PCDHGA5: variants seen among roughly 807,000 people sequenced by gnomAD.
PCDHGA5 encodes the protein protocadherin gamma subfamily A, 5.
In PCDHGA5, 36 loss-of-function variants were observed where a neutral mutation model predicts 56.7. That is an observed-to-expected ratio of 0.64 (90% CI 0.49 to 0.84). The LOEUF (loss-of-function observed/expected upper bound fraction) is 0.84, where lower values mean the gene tolerates loss of function less well. Ranked by LOEUF, PCDHGA5 falls within the 40% of genes least tolerant of loss-of-function variation. PCDHGA5 has a pLI of 0.00. For synonymous variants in PCDHGA5, 563 were observed against 520.2 expected (o/e 1.08, Z -1.12); for missense variants, 1,305 against 1,201.5 (o/e 1.09, Z -1.27).
chr5:141,422,907 G>C (rs1330364637), intron 1 of PCDHGA5: 4 of 1,614,078 alleles, frequency 2.5e-6, no homozygotes, highest in Non-Finnish European at 3.4e-6. Flanking sequence ...ACGACAATGC[G>C]CCCGAGATCC....
At chr5:141,428,175 G>A (rs766332920) in intron 1 of PCDHGA5, 20 of 1,508,456 alleles carry the variant, frequency 1.3e-5, no homozygotes, top group Non-Finnish European at 1.8e-5. Flanking sequence ...GTGCGTGACG[G>A]AGGACAGCCG....
intron 1 of PCDHGA5, chr5:141,423,314 T>C: frequency 6.2e-7 from 1 of 1,614,178 alleles, no homozygotes; most frequent in Non-Finnish European, 8.5e-7. Context: ...TACTTGGTGG[T>C]GGCGGTGGCC....
intron 3 of PCDHGA5, among the ~76,000 whole-genome samples, chr5:141,508,646 G>A (rs1434098773): frequency 2.6e-5 from 4 of 152,014 alleles, no homozygotes; most frequent in African/African-American, 9.7e-5. Flanking sequence ...ACTCCGTCAG[G>A]CCCTTCCTGT....
chr5:141,392,844 G>C lies in PCDHGA5; in HGVS notation c.2421+26093G>C, dbSNP rs201895231. On this transcript the variant is annotated intron_variant, in intron 1 of 3. Coordinates refer to ENST00000518069, the MANE Select transcript of PCDHGA5 (RefSeq NM_018918.3). ...CGCTCCACAGAGTCGCCCCAGACGCGGCGAGCTGATCCTGCTGTGCGCGCT... is the reference window on the plus strand; with the variant it reads ...CGCTCCACAGAGTCGCCCCAGACGCCGCGAGCTGATCCTGCTGTGCGCGCT... 32 of 1,609,468 alleles carry C rather than the reference G, an allele frequency of 2.0e-5. No homozygotes were observed. The highest frequency in any genetic ancestry group is 2.5e-5 in the Non-Finnish European group (29 of 1,177,978).
chr5:141,371,370 C>T, intron 1 of PCDHGA5: 1 of 1,613,934 alleles, frequency 6.2e-7, no homozygotes, highest in Non-Finnish European at 8.5e-7. Flanking sequence ...GGATGGTGGA[C>T]ATCACACTGC....
At chr5:141,457,514 CAATT>C (rs1258794594) in intron 1 of PCDHGA5, among the ~76,000 whole-genome samples, 2 of 152,260 alleles carry the variant, frequency 1.3e-5, no homozygotes, top group African/African-American at 4.8e-5. Context: ...AGCTTAAAAA[CAATT>C]AATGAGACTA....
chr5:141,371,514 C>A (rs781132718), intron 1 of PCDHGA5: 1 of 1,613,792 alleles, frequency 6.2e-7, no homozygotes, highest in South Asian at 1.1e-5. Context: ...AACACATGAT[C>A]TAGATTCTGG....
chr5:141,405,770 G>A (rs989163026), intron 1 of PCDHGA5, among the ~76,000 whole-genome samples: 9 of 152,030 alleles, frequency 5.9e-5, no homozygotes, highest in South Asian at 4.2e-4. Flanking sequence ...GAGCCACTGC[G>A]CCTGGCCCTT....
chr5:141,386,174 A>G (rs2090487407), intron 1 of PCDHGA5, among the ~76,000 whole-genome samples: 1 of 152,240 alleles, frequency 6.6e-6, no homozygotes, highest in South Asian at 2.1e-4. Flanking sequence ...ACCTTAGACC[A>G]TCTTATGTAC....
At chr5:141,410,752 GT>G (rs2095421794) in intron 1 of PCDHGA5, 1 of 1,130,824 alleles carries the variant, frequency 8.8e-7, no homozygotes, top group Non-Finnish European at 1.2e-6. Context: ...TTTTCTCAAT[GT>G]TTTTTCAATT....
Position 141,365,799 on chromosome 5 carries a change from C to T in PCDHGA5, c.1469C>T (p.Ser490Phe), listed in dbSNP as rs755374983. 8 of 1,613,942 alleles carry T rather than the reference C, an allele frequency of 5.0e-6. No individual in the cohort carries two copies. The Admixed American group carries it at 6.7e-5, about 13-fold the overall frequency. Reference protein sequence around the residue: ...DSGDNARVTYSLAEDTFQGAP... With the variant: ...DSGDNARVTYFLAEDTFQGAP... ...GGCGACAACGCTCGAGTCACCTACT[C>T]CCTGGCTGAAGACACATTTCAGGGG... Residue 490 changes from serine to phenylalanine, a missense_variant, in exon 1 of 4, where the codon TCC becomes TTC. Transcript: ENST00000518069.
chr5:141,402,233 AT>A (rs1490030425), intron 1 of PCDHGA5, among the ~76,000 whole-genome samples: 1 of 152,070 alleles, frequency 6.6e-6, no homozygotes, highest in Non-Finnish European at 1.5e-5. Flanking sequence ...TTTTCCAGGA[AT>A]TTTATCATCA....
chr5:141,372,920 T>A (rs1390656899), intron 1 of PCDHGA5: 22 of 1,005,592 alleles, frequency 2.2e-5, no homozygotes, highest in Non-Finnish European at 3.0e-5. Context: ...ATTTTATTGA[T>A]TTTCTGGTGT....
At chr5:141,400,467 ATCTGGGGCCTTATT>A in intron 1 of PCDHGA5, 1 of 1,614,042 alleles carries the variant, frequency 6.2e-7, no homozygotes, top group Non-Finnish European at 8.5e-7. Flanking sequence ...GTGGTGATTC[ATCTGGGGCCTTATT>A]TCCACTTTGT....
At chr5:141,409,405 C>T in intron 1 of PCDHGA5, 1 of 1,614,050 alleles carries the variant, frequency 6.2e-7, no homozygotes, top group Non-Finnish European at 8.5e-7. Context: ...CCAATAACTA[C>T]TACAAACTGG....
intron 1 of PCDHGA5, chr5:141,410,823 C>CCAGACTGA (rs2095425464): frequency 2.1e-6 from 1 of 479,988 alleles, no homozygotes; most frequent in African/African-American, 2.5e-5. Flanking sequence ...AATAATGTCA[C>CCAGACTGA]CAGACTGAAG....
intron 1 of PCDHGA5, chr5:141,403,605 G>A (rs2094432434): frequency 6.2e-7 from 1 of 1,613,690 alleles, no homozygotes; most frequent in Admixed American, 1.7e-5. Context: ...TCGGATGGCG[G>A]CGAGCCGCGT....
At chr5:141,510,296 G>A (rs999749575) in intron 3 of PCDHGA5, among the ~76,000 whole-genome samples, 6 of 149,608 alleles carry the variant, frequency 4.0e-5, no homozygotes, top group African/African-American at 1.5e-4. Flanking sequence ...AAAAAATGCT[G>A]TTTTGAAATG....
rs2099710738 is a variant in PCDHGA5, at chr5:141,491,331, T to C, written c.2422-3476T>C. 6.2e-7 allele frequency: 1 copy of C among 1,614,170 alleles called. No homozygotes were observed. The highest frequency in any genetic ancestry group is 8.5e-7 in the Non-Finnish European group (1 of 1,180,018). On this transcript the variant is annotated intron_variant, in intron 1 of 3. Coordinates refer to ENST00000518069, the MANE Select transcript of PCDHGA5 (RefSeq NM_018918.3). The surrounding 1 kb of genome is among the most constrained non-coding windows in gnomAD (Gnocchi z 6.9). ...ACCTTACCCTTTACCTCATTGTGGC[T>C]CTAGCGACCGTCAGTCTCTTATCCC...
Sources: allele counts gnomAD v4.1 joint callset (sites outside exome capture counted in the v4.1 genomes callset), GRCh38; gene constraint gnomAD v4.1.1; non-coding constraint Gnocchi (gnomAD v3.1); transcripts MANE v1.5; gene names NCBI Gene and HGNC (gene_info 2026-07-23, HGNC 2026-07-21).